The following TENM3 variants were observed in gnomAD, a reference collection of about 807,000 sequenced individuals.
The protein encoded by TENM3 is teneurin transmembrane protein 3.
Under a neutral mutation model 255.1 loss-of-function variants are expected in TENM3, and 63 were observed. The ratio of observed to expected loss-of-function variants is 0.25; its 90% CI spans 0.20 to 0.30. The LOEUF is 0.30. Ranked by LOEUF, TENM3 falls within the 10% of genes least tolerant of loss-of-function variation. The pLI is 1.00. For missense variants in TENM3, 2,929 were observed against 3,461.1 expected, an observed-to-expected ratio of 0.85 and a Z score of 3.86; for synonymous variants, 1,306 against 1,322.3, an observed-to-expected ratio of 0.99 and a Z score of 0.27.
the TENM3 span, among the ~76,000 whole-genome samples, chr4:181,535,732 C>T: frequency 6.6e-6 from 1 of 152,188 alleles, no homozygotes; most frequent in African/African-American, 2.4e-5. Flanking sequence ...GCCTCGGAGA[C>T]CATGGACTTC....
At chr4:182,076,860 T>C in the TENM3 span, among the ~76,000 whole-genome samples, 13 of 152,302 alleles carry the variant, frequency 8.5e-5, 1 homozygote, top group African/African-American at 3.1e-4. Flanking sequence ...CATACAGCGC[T>C]TTATAAACAC....
chr4:181,894,383 G>T, the TENM3 span, among the ~76,000 whole-genome samples: 6 of 152,144 alleles, frequency 3.9e-5, no homozygotes, highest in Non-Finnish European at 8.8e-5. Context: ...GTACTGCTCG[G>T]ACTTCACACA....
the TENM3 span, among the ~76,000 whole-genome samples, chr4:181,833,442 C>T: frequency 6.6e-6 from 1 of 152,126 alleles, no homozygotes; most frequent in African/African-American, 2.4e-5. Flanking sequence ...GCTGAGTTAT[C>T]TAACTAAAAC....
chr4:181,860,271 G>C, the TENM3 span, among the ~76,000 whole-genome samples: 1 of 152,156 alleles, frequency 6.6e-6, no homozygotes. Context: ...CAGGCACAGG[G>C]CCATTGCTTA....
the TENM3 span, among the ~76,000 whole-genome samples, chr4:181,896,903 G>T: frequency 6.6e-6 from 1 of 152,142 alleles, no homozygotes; most frequent in Non-Finnish European, 1.5e-5. Flanking sequence ...ACAGGATGAG[G>T]GCTCAATTTA....
the TENM3 span, among the ~76,000 whole-genome samples, chr4:182,015,963 C>T: frequency 6.6e-6 from 1 of 152,142 alleles, no homozygotes; most frequent in Non-Finnish European, 1.5e-5. Flanking sequence ...TTAACATAAA[C>T]CTAGATATCA....
At chr4:182,486,318 G>T (rs1414912876) in intron 3 of TENM3, among the ~76,000 whole-genome samples, 1 of 145,162 alleles carries the variant, frequency 6.9e-6, no homozygotes, top group African/African-American at 2.5e-5. Context: ...TTGTGTGTGG[G>T]GGGGAGGGTG....
chr4:182,524,707 C>G (rs545758221), intron 3 of TENM3, among the ~76,000 whole-genome samples: 1 of 151,752 alleles, frequency 6.6e-6, no homozygotes, highest in Non-Finnish European at 1.5e-5. Flanking sequence ...AATCCAAACT[C>G]AGAGTCATTG....
rs139671468 is a variant in TENM3, at chr4:182,199,279, C to T, written c.-76+54525C>T. Among the ~76,000 whole-genome samples the T allele has an allele frequency of 3.9e-3, 594 of 152,188 alleles. 4 individuals carry two copies. Among genetic ancestry groups the T allele is most frequent in the African/African-American group, 0.014 (562 of 41,518 alleles). The stretch of plus-strand genomic sequence containing the variant: ...AGGAGCTCAAGACCAGCCTGGCCAA[C>T]ATGGTGAAACCCCGTCTCTACTATC... On this transcript the variant is annotated intron_variant, in intron 1 of 2. Coordinates refer to the TENM3 transcript ENST00000512480.
chr4:181,803,928 T>A, the TENM3 span, among the ~76,000 whole-genome samples: 1 of 86,556 alleles, frequency 1.2e-5, no homozygotes, highest in Non-Finnish European at 2.2e-5. Context: ...GACTGAGACT[T>A]ATTATCTCAA....
At chr4:182,417,716 T>A (rs905499196) in intron 3 of TENM3, among the ~76,000 whole-genome samples, 5 of 152,198 alleles carry the variant, frequency 3.3e-5, no homozygotes, top group Admixed American at 6.5e-5. Flanking sequence ...TACTTTTTAT[T>A]CCTAAATGAT....
the TENM3 span, among the ~76,000 whole-genome samples, chr4:181,510,242 C>T: frequency 6.6e-6 from 1 of 152,046 alleles, no homozygotes; most frequent in South Asian, 2.1e-4. Flanking sequence ...TTTTTTCTTC[C>T]CTTTGAACAT....
At chr4:182,098,141 C>T in the TENM3 span, among the ~76,000 whole-genome samples, 1 of 152,036 alleles carries the variant, frequency 6.6e-6, no homozygotes, top group Non-Finnish European at 1.5e-5. Flanking sequence ...AGATATTATC[C>T]CATTCCAGTT....
chr4:182,667,143 G>T (rs563737840), intron 6 of TENM3, among the ~76,000 whole-genome samples: 1 of 151,994 alleles, frequency 6.6e-6, no homozygotes, highest in East Asian at 1.9e-4. Flanking sequence ...AACTGTCAGA[G>T]CCAGTACTCA....
chr4:182,514,829 G>A (rs2151740843), intron 3 of TENM3, among the ~76,000 whole-genome samples: 1 of 152,162 alleles, frequency 6.6e-6, no homozygotes, highest in South Asian at 2.1e-4. Context: ...TTTTCTAGGG[G>A]CTGAGATGCA....
the TENM3 span, among the ~76,000 whole-genome samples, chr4:181,724,279 C>G: frequency 2.0e-5 from 3 of 152,016 alleles, no homozygotes; most frequent in Non-Finnish European, 4.4e-5. Flanking sequence ...AAGCATAACT[C>G]ATTTGTCTTC....
chr4:182,734,738 A>G (rs1761037240), intron 16 of TENM3, among the ~76,000 whole-genome samples: 1 of 152,160 alleles, frequency 6.6e-6, no homozygotes, highest in Non-Finnish European at 1.5e-5. Flanking sequence ...TACCTTTCCT[A>G]CTAATGCAAA....
intron 1 of TENM3, among the ~76,000 whole-genome samples, chr4:182,322,350 A>T (rs1763106842): frequency 6.6e-6 from 1 of 152,242 alleles, no homozygotes; most frequent in African/African-American, 2.4e-5. Flanking sequence ...ATGGAACCCC[A>T]CAAGGGAACC....
chr4:182,358,228 A>C (rs1436769139), intron 3 of TENM3, among the ~76,000 whole-genome samples: 2 of 145,932 alleles, frequency 1.4e-5, no homozygotes, highest in Non-Finnish European at 3.0e-5. Context: ...TATGAACTTT[A>C]AAGTAGTTTT....
Sources: gnomAD v4.1 joint callset for allele counts (sites outside exome capture counted in the v4.1 genomes callset) on GRCh38, gnomAD v4.1.1 for gene constraint, MANE v1.5 for transcripts, NCBI Gene and HGNC (gene_info 2026-07-23, HGNC 2026-07-21) for gene names.